The following ADAMTSL1 variants were observed in gnomAD, a reference collection of about 807,000 sequenced individuals.
ADAMTSL1 encodes the protein ADAMTS-like protein 1.
In ADAMTSL1, 126 loss-of-function variants were observed where a neutral mutation model predicts 201.8. That is an observed-to-expected ratio of 0.62 (90% confidence interval 0.54 to 0.72). The LOEUF (loss-of-function observed/expected upper bound fraction) is 0.72. Ranked by LOEUF, ADAMTSL1 falls within the 30% of genes least tolerant of loss-of-function variation. The probability of loss-of-function intolerance (pLI) is 0.00; values close to 1 mark genes in which losing one functional copy is unlikely to be tolerated. For synonymous variants in ADAMTSL1, 1,121 were observed against 903.4 expected, an observed-to-expected ratio of 1.24 and a Z score of -4.32; for missense variants, 2,679 against 2,277.8, an observed-to-expected ratio of 1.18 and a Z score of -3.59.
rs184389290 is a variant in ADAMTSL1 at position 18,250,726 on chromosome 9, T to C, written c.207+86745T>C. On this transcript the variant is annotated intron_variant, in intron 2 of 29. Coordinates refer to the ADAMTSL1 transcript ENST00000680146. The stretch of plus-strand genomic sequence containing the variant: ...CCTTGCTCGTGGAAGAGGGGGCTTC[T>C]TGTTCCTGGGAAGCTGGGGATACAG... Among the ~76,000 whole-genome samples the C allele has an allele frequency of 2.6e-5, 4 of 152,230 alleles. No individual in the cohort carries two copies. In the East Asian group the frequency reaches 7.7e-4, roughly 29 times the overall value.
intron 23 of ADAMTSL1, among the ~76,000 whole-genome samples, chr9:18,878,759 A>G (rs1253977627): frequency 6.6e-6 from 1 of 152,214 alleles, no homozygotes; most frequent in Non-Finnish European, 1.5e-5. Flanking sequence ...GAGTCTTCAC[A>G]TGCTGCTCTG....
At chr9:18,718,244 G>T (rs778260491) in intron 14 of ADAMTSL1, 12 of 760,680 alleles carry the variant, frequency 1.6e-5, no homozygotes, top group Non-Finnish European at 2.7e-5. Flanking sequence ...GTTCTCTCAA[G>T]TCTTGCAAAT....
At chr9:18,005,027 A>G (rs959284877) in intron 1 of ADAMTSL1, among the ~76,000 whole-genome samples, 2 of 152,250 alleles carry the variant, frequency 1.3e-5, no homozygotes, top group East Asian at 3.9e-4. Context: ...ACCTCATGGA[A>G]TTACTTATTC....
intron 2 of ADAMTSL1, among the ~76,000 whole-genome samples, chr9:18,345,128 C>G (rs1046378113): frequency 2.0e-5 from 3 of 152,094 alleles, no homozygotes; most frequent in South Asian, 4.1e-4. Flanking sequence ...CTTCCAGTTC[C>G]CTACAGGATC....
rs577285383 is a variant in ADAMTSL1 at position 18,335,511 on chromosome 9, T to C, written c.208-169318T>C. Among the ~76,000 whole-genome samples, 70 of 152,174 alleles carry C rather than the reference T, an allele frequency of 4.6e-4. No homozygotes were observed. In the South Asian group the frequency reaches 0.013, roughly 29 times the overall value. On this transcript the variant is annotated intron_variant, in intron 2 of 29. Coordinates refer to the ADAMTSL1 transcript ENST00000680146. ...TGGTAATCTCTACAGAAGTATTGTG[T>C]GTTTGATTATTGTAACCTAGTTTTC...
intron 1 of ADAMTSL1, among the ~76,000 whole-genome samples, chr9:18,001,706 A>G (rs941043477): frequency 1.3e-5 from 2 of 152,036 alleles, no homozygotes; most frequent in Non-Finnish European, 2.9e-5. Flanking sequence ...TTGAAGAACC[A>G]TGGTGATTTT....
intron 2 of ADAMTSL1, among the ~76,000 whole-genome samples, chr9:18,456,995 C>T (rs575624448): frequency 6.6e-6 from 1 of 152,136 alleles, no homozygotes; most frequent in Admixed American, 6.5e-5. Flanking sequence ...AGAACAGTCC[C>T]GGACATAAGT....
rs1823869209 is a variant in ADAMTSL1 at position 18,088,616 on chromosome 9, A to AT, written c.88-75245dup. Among the ~76,000 whole-genome samples the AT allele has an allele frequency of 2.6e-5, 4 of 152,240 alleles. 1 individual carries two copies. The South Asian group carries it at 8.3e-4, about 31-fold the overall frequency. ...GAATACATACAAATGATCAACAGGT[A>AT]TATGAAAAGCTGCTCAGTGTCGGTA... On this transcript the variant is annotated intron_variant, in intron 1 of 29. Transcript: ENST00000680146.
At chr9:18,784,662 A>G (rs1228948748) in intron 19 of ADAMTSL1, among the ~76,000 whole-genome samples, 3 of 152,330 alleles carry the variant, frequency 2.0e-5, no homozygotes, top group Middle Eastern at 3.4e-3. Context: ...TAAATCTCCT[A>G]TCACATCCCG....
At chr9:18,609,785 G>A (rs1825266133) in intron 4 of ADAMTSL1, among the ~76,000 whole-genome samples, 1 of 152,214 alleles carries the variant, frequency 6.6e-6, no homozygotes, top group Non-Finnish European at 1.5e-5. Flanking sequence ...TTTGAAAATA[G>A]AGTTGTCTCA....
At chr9:18,174,653 A>C (rs1828058014) in intron 2 of ADAMTSL1, among the ~76,000 whole-genome samples, 1 of 152,136 alleles carries the variant, frequency 6.6e-6, no homozygotes, top group African/African-American at 2.4e-5. Context: ...CAGAGTAGGT[A>C]GAAATTTGCA....
chr9:18,488,277 C>A (rs917896994), intron 1 of ADAMTSL1, among the ~76,000 whole-genome samples: 4 of 152,160 alleles, frequency 2.6e-5, no homozygotes, highest in African/African-American at 9.7e-5. Context: ...CTGCCCAGGA[C>A]CTCCTTTATT....
intron 2 of ADAMTSL1, among the ~76,000 whole-genome samples, chr9:18,312,289 G>A (rs1834187239): frequency 6.6e-6 from 1 of 152,122 alleles, no homozygotes; most frequent in South Asian, 2.1e-4. Context: ...AAAACCACCT[G>A]GTATATCTAA....
chr9:18,535,897 G>T (rs942192607), intron 3 of ADAMTSL1, among the ~76,000 whole-genome samples: 1 of 152,044 alleles, frequency 6.6e-6, no homozygotes, highest in Non-Finnish European at 1.5e-5. Flanking sequence ...CCCTTGACAC[G>T]CAGGGATTAT....
chr9:18,005,921 T>G (rs1425623079), intron 1 of ADAMTSL1, among the ~76,000 whole-genome samples: 1 of 152,020 alleles, frequency 6.6e-6, no homozygotes, highest in Non-Finnish European at 1.5e-5. Flanking sequence ...ATAGGTCATG[T>G]CTTCTACCAG....
chr9:18,759,133 A>G (rs2133648238), intron 16 of ADAMTSL1, among the ~76,000 whole-genome samples: 1 of 152,264 alleles, frequency 6.6e-6, no homozygotes, highest in Non-Finnish European at 1.5e-5. Flanking sequence ...TGTTGCACAC[A>G]TCTGTGCAGA....
intron 15 of ADAMTSL1, 27 bp downstream of exon 15, chr9:18,721,692 G>T: frequency 6.2e-7 from 1 of 1,611,822 alleles, no homozygotes; most frequent in Non-Finnish European, 8.5e-7. Flanking sequence ...CTGCCCTGCT[G>T]TCCAGGGGCA....
chr9:18,735,337 G>A (rs544052106), intron 15 of ADAMTSL1, among the ~76,000 whole-genome samples: 1 of 152,322 alleles, frequency 6.6e-6, no homozygotes, highest in Non-Finnish European at 1.5e-5. Flanking sequence ...GAAACTAGGT[G>A]TTATAGAAGT....
chr9:18,203,352 A>G (rs985863766), intron 2 of ADAMTSL1, among the ~76,000 whole-genome samples: 4 of 152,010 alleles, frequency 2.6e-5, no homozygotes, highest in Non-Finnish European at 5.9e-5. Context: ...AGTCCCTTTA[A>G]CTAAAAATGG....
Sources: gnomAD v4.1 joint callset for allele counts (sites outside exome capture counted in the v4.1 genomes callset) on GRCh38, gnomAD v4.1.1 for gene constraint, MANE v1.5 for transcripts, NCBI Gene and HGNC (gene_info 2026-07-23, HGNC 2026-07-21) for gene names.